Variants in NEU1 observed in about 807,000 individuals in gnomAD.
The protein encoded by NEU1 is sialidase-1.
NEU1 carries 32 observed loss-of-function variants against 38.3 expected under a neutral mutation model. The ratio of observed to expected loss-of-function variants is 0.84; its 90% CI spans 0.63 to 1.12. NEU1 has a LOEUF of 1.12. Among genes scored for constraint, NEU1 ranks in the 50% most tolerant of loss-of-function variants. The pLI is 0.00. For missense variants in NEU1, 431 were observed against 549.2 expected, an observed-to-expected ratio of 0.78 and a Z score of 2.15; for synonymous variants, 192 against 225.2, an observed-to-expected ratio of 0.85 and a Z score of 1.32.
chr6:31,861,178 G>A lies in NEU1; in HGVS notation c.615+10C>T, dbSNP rs1357587956. 6.2e-7 allele frequency: 1 copy of A among 1,611,084 alleles called. No individual in the cohort carries two copies. Among genetic ancestry groups the A allele is most frequent in the Non-Finnish European group, 8.5e-7 (1 of 1,179,990 alleles). On this transcript the variant is annotated intron_variant, in intron 3 of 5. Coordinates refer to ENST00000375631, the MANE Select transcript of NEU1 (RefSeq NM_000434.4). ...GGCAGCCCCCTCCACCTATCTCCTA[G>A]GACAGAGACCTGAATACCAGAGCCC... is the stretch of plus-strand genomic sequence containing the variant.
Position 31,859,336 on chromosome 6 carries a change from T to G in NEU1, c.*383A>C. 2.5e-6 allele frequency: 1 copy of G among 392,586 alleles called. No homozygotes were observed. The highest frequency in any genetic ancestry group is 5.4e-5 in the East Asian group (1 of 18,660). 24.3% of individuals were successfully genotyped at this position (392,586 alleles called of 1,614,324 possible). On this transcript the variant is annotated 3_prime_UTR_variant, in exon 6 of 6. Coordinates refer to ENST00000375631, the MANE Select transcript of NEU1 (RefSeq NM_000434.4). ...TGGGGACTTTCACCAGCCCTGTCGG[T>G]TATCTTACCGCAACACCAAAGAGGA...
Position 31,861,414 on chromosome 6 carries a change from T to C in NEU1, c.389A>G (p.Asp130Gly). ...TWSPTAFIVN[D>G]GDVPDGLNLG... ...GTTCAGCCCATCGGGGACATCCCCA[T>C]CATTGACAATGAACGCTGTAGGAGA... The change falls in exon 3 of 6, where the codon GAT (aspartate) becomes GGT (glycine). Residue 130 changes from aspartate to glycine, a missense_variant. By Grantham distance (94) the Asp-to-Gly change is moderately conservative. Transcript: ENST00000375631. The C allele has an allele frequency of 6.2e-7, 1 of 1,612,942 alleles. No homozygotes were observed. The highest frequency in any genetic ancestry group is 8.5e-7 in the Non-Finnish European group (1 of 1,180,032).
At chr6:31,861,106 C>T in intron 3 of NEU1, 82 bp downstream of exon 3, 2 of 1,593,222 alleles carry the variant, frequency 1.3e-6, no homozygotes, top group Non-Finnish European at 1.7e-6. Context: ...GAGAATCTTC[C>T]CCTTGGAAAG....
chr6:31,861,646 C>A, intron 2 of NEU1, 196 bp from the exon 3 acceptor site: 1 of 678,490 alleles, frequency 1.5e-6, no homozygotes, highest in African/African-American at 1.8e-5. Context: ...TTGCAACAGA[C>A]AAAAAAGTTT....
Position 31,860,082 on chromosome 6 carries a change from G to A in NEU1, c.981C>T (p.Ser327=), listed in dbSNP as rs753387341. 6.2e-6 allele frequency: 10 copies of A among 1,612,852 alleles called. No individual in the cohort carries two copies. The highest frequency in any genetic ancestry group is 4.0e-5 in the African/African-American group (3 of 74,890). Residue 327 remains serine, a synonymous_variant, in exon 5 of 6, where the codon TCC becomes TCT. Coordinates refer to ENST00000375631, the MANE Select transcript of NEU1 (RefSeq NM_000434.4). The surrounding 1 kb of genome is among the most constrained non-coding windows in gnomAD (Gnocchi z 4.8). ...VVAAGAVVTS[S]GIVFFSNPAH... Reference sequence around the variant, plus strand: ...CTGGGTTGGAGAAGAAGACAATGCCGGAGCTGGTGACTACAGCTCCTGCAG... The same window carrying A: ...CTGGGTTGGAGAAGAAGACAATGCCAGAGCTGGTGACTACAGCTCCTGCAG...
Position 31,859,858 on chromosome 6 carries a change from T to G in NEU1, c.1109A>C (p.Tyr370Ser). 1 of 1,613,064 alleles carries G rather than the reference T, an allele frequency of 6.2e-7. No homozygotes were observed. The highest frequency in any genetic ancestry group is 1.3e-5 in the African/African-American group (1 of 75,050). The change falls in exon 6 of 6, where the codon TAT (tyrosine) becomes TCT (serine). Residue 370 changes from tyrosine to serine, a missense_variant. Coordinates refer to ENST00000375631, the MANE Select transcript of NEU1 (RefSeq NM_000434.4). Reference protein sequence around the residue: ...TVQLWPGPSGYSSLATLEGSM... With the variant: ...TVQLWPGPSGSSSLATLEGSM... Reference sequence around the variant, plus strand: ...GCCCTCCAGGGTTGCCAGGGATGAATAGCCACTGGGGCCTGGCCATAGCTG... The same window carrying G: ...GCCCTCCAGGGTTGCCAGGGATGAAGAGCCACTGGGGCCTGGCCATAGCTG...
Position 31,860,247 on chromosome 6 carries a change from A to G in NEU1, c.816T>C (p.Asp272=), listed in dbSNP as rs1203828835. The change falls in exon 5 of 6, where the codon GAT becomes GAC. Residue 272 remains aspartate, a synonymous_variant. Transcript: ENST00000375631. The surrounding 1 kb of genome is among the most constrained non-coding windows in gnomAD (Gnocchi z 4.8). ...TTCGGGCATTGATGACGACTGAGCC[A>G]TCTGGGAGCTCATAGGGCTGAGGGG... ...PDECQPYELP[D]GSVVINARNQ... is the part of the protein sequence containing the mutation. 6.2e-7 allele frequency: 1 copy of G among 1,613,014 alleles called. No individual in the cohort carries two copies. Among genetic ancestry groups the G allele is most frequent in the Non-Finnish European group, 8.5e-7 (1 of 1,179,990 alleles).
intron 2 of NEU1, 138 bp from the exon 3 acceptor site, chr6:31,861,588 A>G (rs1281666816): frequency 3.1e-6 from 3 of 981,644 alleles, no homozygotes; most frequent in Non-Finnish European, 4.7e-6. Flanking sequence ...CACTTGCACT[A>G]TCTATACCTC....
Position 31,862,622 on chromosome 6 carries a change from C to T in NEU1, c.155G>A (p.Gly52Asp). ...ASWSKAENDF[G>D]LVQPLVTMEQ... is the part of the protein sequence containing the mutation. ...GCTATGCAAAGGGTGACTCACCAGACCGAAGTCGTTCTCAGCCTTGGACCA... is the reference window on the plus strand; with the variant it reads ...GCTATGCAAAGGGTGACTCACCAGATCGAAGTCGTTCTCAGCCTTGGACCA... The change falls in exon 1 of 6, where the codon GGT becomes GAT. Residue 52 changes from glycine to aspartate, a missense_variant. Transcript: ENST00000375631. The surrounding 1 kb of genome is among the most constrained non-coding windows in gnomAD (Gnocchi z 6.3). 1 of 1,613,108 alleles carries T rather than the reference C, an allele frequency of 6.2e-7. No individual in the cohort carries two copies. The highest frequency in any genetic ancestry group is 8.5e-7 in the Non-Finnish European group (1 of 1,180,028).
chr6:31,859,864 C>T lies in NEU1; in HGVS notation c.1103G>A (p.Ser368Asn), dbSNP rs1285859208. Residue 368 changes from serine to asparagine, a missense_variant, in exon 6 of 6, where the codon AGT becomes AAT. Coordinates refer to ENST00000375631, the MANE Select transcript of NEU1 (RefSeq NM_000434.4). Reference sequence around the variant, plus strand: ...CAGGGTTGCCAGGGATGAATAGCCACTGGGGCCTGGCCATAGCTGGACTGT... The same window carrying T: ...CAGGGTTGCCAGGGATGAATAGCCATTGGGGCCTGGCCATAGCTGGACTGT... The part of the protein sequence containing the change: ...KETVQLWPGP[S>N]GYSSLATLEG... 6.2e-7 allele frequency: 1 copy of T among 1,613,102 alleles called. No individual in the cohort carries two copies. The highest frequency in any genetic ancestry group is 1.1e-5 in the South Asian group (1 of 91,088).
At chr6:31,861,554 C>G in intron 2 of NEU1, 104 bp from the exon 3 acceptor site, 1 of 1,462,492 alleles carries the variant, frequency 6.8e-7, no homozygotes, top group Non-Finnish European at 9.5e-7. Flanking sequence ...TCAGGCCTTC[C>G]GATGGTCCCA....
Position 31,860,776 on chromosome 6 carries a change from C to A in NEU1, c.616-155G>T. On this transcript the variant is annotated intron_variant, in intron 3 of 5. Coordinates refer to ENST00000375631, the MANE Select transcript of NEU1 (RefSeq NM_000434.4). The surrounding 1 kb of genome is among the most constrained non-coding windows in gnomAD (Gnocchi z 4.8). The stretch of plus-strand genomic sequence containing the variant: ...GTTCCAGTCAGATCCCATAAATACA[C>A]ACCCTGTTTGAATTAAGAAGCTCTC... 1.2e-6 allele frequency: 1 copy of A among 805,246 alleles called. No individual in the cohort carries two copies. Among genetic ancestry groups the A allele is most frequent in the Non-Finnish European group, 2.1e-6 (1 of 483,316 alleles). The allele number at this position is 805,246 out of a possible 1,614,324, so 49.9% of individuals were successfully genotyped here.
chr6:31,860,316 C>A lies in NEU1; in HGVS notation c.799-52G>T, dbSNP rs756374848. On this transcript the variant is annotated intron_variant, in intron 4 of 5. Coordinates refer to ENST00000375631, the MANE Select transcript of NEU1 (RefSeq NM_000434.4). This position sits in a 1 kb window ranked among gnomAD's most constrained non-coding sequence, Gnocchi z 4.8. The stretch of plus-strand genomic sequence containing the variant: ...GAGGGAACAGGGAAAATGCCCTGTC[C>A]CCGAGGGGAGCAAGGGTGTGTGGCA... 5.0e-6 allele frequency: 8 copies of A among 1,607,034 alleles called. No individual in the cohort carries two copies. The African/African-American group carries it at 6.7e-5, about 13-fold the overall frequency.
chr6:31,859,467 G>A lies in NEU1; in HGVS notation c.*252C>T. 1.6e-6 allele frequency: 1 copy of A among 613,022 alleles called. No homozygotes were observed. Among genetic ancestry groups the A allele is most frequent in the South Asian group, 1.8e-5 (1 of 54,076 alleles). 38.0% of individuals were successfully genotyped at this position (613,022 alleles called of 1,614,324 possible). A position where few individuals can be genotyped will look rare whatever the true frequency, so the allele number is the denominator to read the frequency against. Reference sequence around the variant, plus strand: ...AATGTCCCGGGAGGGCAGAGAGGGTGGTGGGGCCACACTTAGCCATATGGA... The same window carrying A: ...AATGTCCCGGGAGGGCAGAGAGGGTAGTGGGGCCACACTTAGCCATATGGA... On this transcript the variant is annotated 3_prime_UTR_variant, in exon 6 of 6. Coordinates refer to ENST00000375631, the MANE Select transcript of NEU1 (RefSeq NM_000434.4).
chr6:31,859,498 A>C lies in NEU1; in HGVS notation c.*221T>G. 1 of 644,794 alleles carries C rather than the reference A, an allele frequency of 1.6e-6. No homozygotes were observed. Among genetic ancestry groups the C allele is most frequent in the Non-Finnish European group, 2.8e-6 (1 of 357,786 alleles). 39.9% of individuals were successfully genotyped at this position (644,794 alleles called of 1,614,324 possible). ...GCCACACTTAGCCATATGGAAAGAC[A>C]GTATTCTCAGATGAGGGCAGGACTT... On this transcript the variant is annotated 3_prime_UTR_variant, in exon 6 of 6. Coordinates refer to ENST00000375631, the MANE Select transcript of NEU1 (RefSeq NM_000434.4).
chr6:31,862,782 C>A lies in NEU1; in HGVS notation c.-6G>T. 6.2e-7 allele frequency: 1 copy of A among 1,612,552 alleles called. No homozygotes were observed. Among genetic ancestry groups the A allele is most frequent in the Non-Finnish European group, 8.5e-7 (1 of 1,179,862 alleles). The stretch of plus-strand genomic sequence containing the variant: ...CTGGGTCGCTCCCCAGTCATCTCTC[C>A]CCGCAGCTGCCGCGACCCTGGCAGC... On this transcript the variant is annotated 5_prime_UTR_variant, in exon 1 of 6. Transcript: ENST00000375631. This position sits in a 1 kb window ranked among gnomAD's most constrained non-coding sequence, Gnocchi z 6.3.
rs1762408583 is a variant in NEU1, at chr6:31,859,272, G to A, written c.*447C>T. The stretch of plus-strand genomic sequence containing the variant: ...TTGATTGATAGTCAGTCATGGTGGT[G>A]CACCTAGTCCTTACTCTGAAACCAA... On this transcript the variant is annotated 3_prime_UTR_variant, in exon 6 of 6. Transcript: ENST00000375631. The A allele has an allele frequency of 3.4e-6, 1 of 296,426 alleles. No homozygotes were observed. The highest frequency in any genetic ancestry group is 4.6e-5 in the Admixed American group (1 of 21,820). The allele number at this position is 296,426 out of a possible 1,614,324, so 18.4% of individuals were successfully genotyped here. A position where few individuals can be genotyped will look rare whatever the true frequency, so the allele number is the denominator to read the frequency against.
chr6:31,859,639 T>C lies in NEU1; in HGVS notation c.*80A>G. The C allele has an allele frequency of 7.2e-7, 1 of 1,395,152 alleles. No individual in the cohort carries two copies. The highest frequency in any genetic ancestry group is 1.0e-6 in the Non-Finnish European group (1 of 991,202). 86.4% of individuals were successfully genotyped at this position (1,395,152 alleles called of 1,614,324 possible). On this transcript the variant is annotated 3_prime_UTR_variant, in exon 6 of 6. Coordinates refer to ENST00000375631, the MANE Select transcript of NEU1 (RefSeq NM_000434.4). ...GGAAGATGGAACTGTCTTTCAGGCG[T>C]CTCCAGCAGACCCTCTACAGACCCG... is the stretch of plus-strand genomic sequence containing the variant.
chr6:31,862,064 G>C lies in NEU1; in HGVS notation c.287C>G (p.Ala96Gly). 1 of 1,613,090 alleles carries C rather than the reference G, an allele frequency of 6.2e-7. No homozygotes were observed. The highest frequency in any genetic ancestry group is 8.5e-7 in the Non-Finnish European group (1 of 1,180,040). Residue 96 changes from alanine (A) to glycine (G), a missense_variant, in exon 2 of 6, where the codon GCG (alanine) becomes GGG (glycine). Physicochemically the swap from Ala to Gly is moderately conservative, Grantham distance 60. Transcript: ENST00000375631. The surrounding 1 kb of genome is among the most constrained non-coding windows in gnomAD (Gnocchi z 6.3). ...CTCATCGGATGAGGACATTTTCCTC[G>C]CCTCAGCAAAGGCGAGAAGAGTGCC... is the stretch of plus-strand genomic sequence containing the variant. ...PRGTLLAFAE[A>G]RKMSSSDEGA...
Sources: gnomAD v4.1 joint callset for allele counts on GRCh38, gnomAD v4.1.1 for gene constraint, Gnocchi (gnomAD v3.1) non-coding constraint, MANE v1.5 for transcripts, NCBI Gene and HGNC (gene_info 2026-07-23, HGNC 2026-07-21) for gene names.